The following STK32B variants were observed in gnomAD, a reference collection of about 807,000 sequenced individuals.
The protein encoded by STK32B is serine/threonine kinase 32B.
Under a neutral mutation model 52.6 loss-of-function variants are expected in STK32B, and 43 were observed. The observed-to-expected ratio is 0.82, with a 90% CI of 0.64 to 1.05. STK32B has a LOEUF of 1.05. Ranked by LOEUF, STK32B falls within the 50% of genes least tolerant of loss-of-function variation. The pLI is 0.00. For synonymous variants in STK32B, 238 were observed against 204.3 expected, an observed-to-expected ratio of 1.17 and a Z score of -1.41; for missense variants, 621 against 534.6, an observed-to-expected ratio of 1.16 and a Z score of -1.59.
At chr4:5,167,499 G>A (rs1718971899) in intron 2 of STK32B, among the ~76,000 whole-genome samples, 1 of 152,040 alleles carries the variant, frequency 6.6e-6, no homozygotes, top group Admixed American at 6.5e-5. Flanking sequence ...GGTTTCCCCA[G>A]AATCAGGCTC....
rs916080554 is a variant in STK32B at position 5,400,014 on chromosome 4, G to A, written c.472+1770G>A. ...AGGCTCTGTCCTATTAAGAGAGACC[G>A]CTAGGGGGAGACTTCCTGGCCCTGC... On this transcript the variant is annotated intron_variant, in intron 5 of 11. Coordinates refer to ENST00000282908, the MANE Select transcript of STK32B (RefSeq NM_018401.3). This position sits in a 1 kb window ranked among gnomAD's most constrained non-coding sequence, Gnocchi z 6.1. Among the ~76,000 whole-genome samples the A allele has an allele frequency of 1.4e-4, 21 of 152,160 alleles. No homozygotes were observed. The highest frequency in any genetic ancestry group is 1.9e-4 in the African/African-American group (8 of 41,422).
In STK32B at chr4:5,068,038, G is replaced by A. The variant is rs139751940; in HGVS notation, c.52+16123G>A. 2.2e-4 allele frequency among the ~76,000 whole-genome samples: 34 copies of A among 152,200 alleles called. No homozygotes were observed. The East Asian group carries it at 6.4e-3, about 29-fold the overall frequency. ...TAATTCAGCATGAGATTTGGGCAGGGACACAAATCCAAACCATATCAAAGT... is the reference window on the plus strand; with the variant it reads ...TAATTCAGCATGAGATTTGGGCAGGAACACAAATCCAAACCATATCAAAGT... On this transcript the variant is annotated intron_variant, in intron 1 of 11. Transcript: ENST00000282908.
At chr4:5,471,954 T>A (rs530086802) in intron 11 of STK32B, among the ~76,000 whole-genome samples, 1 of 152,292 alleles carries the variant, frequency 6.6e-6, no homozygotes, top group South Asian at 2.1e-4. Flanking sequence ...GGGCCTTAAC[T>A]TCCCTGCACA....
At chr4:5,172,666 A>G (rs1333955178) in intron 3 of STK32B, among the ~76,000 whole-genome samples, 2 of 152,146 alleles carry the variant, frequency 1.3e-5, no homozygotes, top group Non-Finnish European at 2.9e-5. Flanking sequence ...ACCCCACTTG[A>G]TCATGGTGGA....
In STK32B at chr4:5,388,041, G is replaced by A. The variant is rs188198413; in HGVS notation, c.435-10166G>A. 5.9e-3 allele frequency among the ~76,000 whole-genome samples: 895 copies of A among 152,244 alleles called. 10 individuals carry two copies. Among genetic ancestry groups the A allele is most frequent in the Non-Finnish European group, 4.2e-3 (285 of 68,002 alleles). ...ATTAGAGGCATGAGCCACCACTCCCGGCCACTTCTGCCACTTTTTAACTAT... is the reference window on the plus strand; with the variant it reads ...ATTAGAGGCATGAGCCACCACTCCCAGCCACTTCTGCCACTTTTTAACTAT... On this transcript the variant is annotated intron_variant, in intron 4 of 11. Coordinates refer to ENST00000282908, the MANE Select transcript of STK32B (RefSeq NM_018401.3).
chr4:5,037,111 G>A, the STK32B span, among the ~76,000 whole-genome samples: 1 of 152,140 alleles, frequency 6.6e-6, no homozygotes, highest in South Asian at 2.1e-4. Flanking sequence ...TATTTGTTGT[G>A]GGTGGCTGTC....
chr4:5,466,694 C>A lies in STK32B; in HGVS notation c.910-9C>A, dbSNP rs374744180. 1.9e-6 allele frequency: 3 copies of A among 1,608,620 alleles called. No individual in the cohort carries two copies. Among genetic ancestry groups the A allele is most frequent in the South Asian group, 1.1e-5 (1 of 89,942 alleles). On this transcript the variant is annotated splice_polypyrimidine_tract_variant and intron_variant, in intron 9 of 11. Transcript: ENST00000282908. ...GACAGACCATGTTTTCTTTTCTACTCCCCTTTAGAAAGGGAGGTTGAACTG... is the reference window on the plus strand; with the variant it reads ...GACAGACCATGTTTTCTTTTCTACTACCCTTTAGAAAGGGAGGTTGAACTG...
At chr4:5,072,301 T>C (rs1711830129) in intron 1 of STK32B, among the ~76,000 whole-genome samples, 1 of 152,174 alleles carries the variant, frequency 6.6e-6, no homozygotes, top group Non-Finnish European at 1.5e-5. Flanking sequence ...CATGGGAATC[T>C]GGTAGAAACC....
intron 3 of STK32B, among the ~76,000 whole-genome samples, chr4:5,260,000 G>C (rs896691936): frequency 5.3e-5 from 8 of 151,932 alleles, no homozygotes; most frequent in African/African-American, 1.9e-4. Context: ...GAATCTTCCT[G>C]AGGGGGGGTC....
intron 3 of STK32B, among the ~76,000 whole-genome samples, chr4:5,195,619 G>C (rs1206774792): frequency 6.6e-6 from 1 of 152,060 alleles, no homozygotes; most frequent in Non-Finnish European, 1.5e-5. Flanking sequence ...CTTGAACCTG[G>C]GAGACGGAGG....
intron 6 of STK32B, among the ~76,000 whole-genome samples, chr4:5,433,911 G>A (rs1220546167): frequency 6.6e-6 from 1 of 152,220 alleles, no homozygotes; most frequent in Non-Finnish European, 1.5e-5. Context: ...CTGAGGGAAA[G>A]AAAGGCGATG....
intron 3 of STK32B, among the ~76,000 whole-genome samples, chr4:5,324,747 T>G (rs1009960610): frequency 6.6e-6 from 1 of 151,674 alleles, no homozygotes; most frequent in Non-Finnish European, 1.5e-5. Context: ...AAGTGAGTGA[T>G]GGACAAGAGG....
chr4:5,073,401 A>C (rs1019248848), intron 1 of STK32B, among the ~76,000 whole-genome samples: 214 of 152,186 alleles, frequency 1.4e-3, no homozygotes, highest in African/African-American at 4.9e-3. Flanking sequence ...AAAACTTATA[A>C]TAGTATAATT....
At chr4:5,148,016 T>C (rs1269655350) in intron 2 of STK32B, among the ~76,000 whole-genome samples, 1 of 151,962 alleles carries the variant, frequency 6.6e-6, no homozygotes, top group Non-Finnish European at 1.5e-5. Context: ...CAAATGAAGT[T>C]ATCTGGGTAT....
At chr4:5,230,811 C>G (rs1313354234) in intron 3 of STK32B, among the ~76,000 whole-genome samples, 1 of 152,122 alleles carries the variant, frequency 6.6e-6, no homozygotes, top group African/African-American at 2.4e-5. Flanking sequence ...GATGAATCCA[C>G]AGAAAATTTT....
chr4:5,441,291 T>C (rs200433630), intron 6 of STK32B, among the ~76,000 whole-genome samples: 60,297 of 151,338 alleles, frequency 0.4, 12,926 homozygotes, highest in Non-Finnish European at 0.47. Context: ...GCTCCTGTTA[T>C]TGGTCTATTC....
At chr4:5,041,170 ATGGG>A in the STK32B span, among the ~76,000 whole-genome samples, 1 of 152,158 alleles carries the variant, frequency 6.6e-6, no homozygotes, top group East Asian at 1.9e-4. Flanking sequence ...CTTCAGGGAA[ATGGG>A]TGGGTTCATG....
rs534050053 is a variant in STK32B at position 5,371,305 on chromosome 4, G to T, written c.435-26902G>T. Among the ~76,000 whole-genome samples, 324 of 152,220 alleles carry T rather than the reference G, an allele frequency of 2.1e-3. 1 individual carries two copies. The highest frequency in any genetic ancestry group is 3.5e-3 in the Non-Finnish European group (241 of 68,026). On this transcript the variant is annotated intron_variant, in intron 4 of 11. Transcript: ENST00000282908. ...GATTCCTGCTAAAGACAGGCCAAGG[G>T]CTTATACATCAAAGGTAGGGGAGGA...
chr4:5,136,329 CAGTGCGTTTCCCATTTCTACCCT>C (rs1199013141), intron 1 of STK32B, among the ~76,000 whole-genome samples: 1 of 152,242 alleles, frequency 6.6e-6, no homozygotes, highest in Admixed American at 6.5e-5. Context: ...GCCTTTGCAG[CAGTGCGTTTCCCATTTCTACCCT>C]AGTGGTACAC....
Sources: gnomAD v4.1 joint callset for allele counts (sites outside exome capture counted in the v4.1 genomes callset) on GRCh38, gnomAD v4.1.1 for gene constraint, Gnocchi (gnomAD v3.1) non-coding constraint, MANE v1.5 for transcripts, NCBI Gene and HGNC (gene_info 2026-07-23, HGNC 2026-07-21) for gene names.